Variants in SLC27A6 observed in about 807,000 individuals in gnomAD.
SLC27A6 encodes the protein long-chain fatty acid transport protein 6.
A neutral mutation model predicts 63.9 loss-of-function variants in SLC27A6; 74 were observed. The ratio of observed to expected loss-of-function variants is 1.16; its 90% CI spans 0.96 to 1.40. The LOEUF is 1.40. Ranked by LOEUF, SLC27A6 falls within the 40% of genes most tolerant of loss-of-function variation. SLC27A6 has a pLI of 0.00. For synonymous variants in SLC27A6, 287 were observed against 260.8 expected, an observed-to-expected ratio of 1.10 and a Z score of -0.97; for missense variants, 794 against 732.9, an observed-to-expected ratio of 1.08 and a Z score of -0.96.
chr5:129,006,446 A>AGTGTGTGTGTGTGT lies in SLC27A6; in HGVS notation c.970-9414_970-9401dup, dbSNP rs72056782. On this transcript the variant is annotated intron_variant, in intron 4 of 9. Coordinates refer to ENST00000262462, the MANE Select transcript of SLC27A6 (RefSeq NM_001017372.3). The stretch of plus-strand genomic sequence containing the variant: ...CCTTTCATATATGTATATATGCATG[A>AGTGTGTGTGTGTGT]GTGTGTGTGTGTGTGTGTGTGTGTG... Among the ~76,000 whole-genome samples the AGTGTGTGTGTGTGT allele has an allele frequency of 2.1e-3, 298 of 144,126 alleles. 1 individual carries two copies. Among genetic ancestry groups the AGTGTGTGTGTGTGT allele is most frequent in the Non-Finnish European group, 3.3e-3 (216 of 66,210 alleles). The allele number at this position is 144,126 out of a possible 152,430, so 94.6% of individuals were successfully genotyped here.
intron 5 of SLC27A6, among the ~76,000 whole-genome samples, chr5:129,018,227 C>T (rs1295996138): frequency 6.6e-6 from 1 of 152,124 alleles, no homozygotes; most frequent in African/African-American, 2.4e-5. Flanking sequence ...TTGTCACTTT[C>T]ATCCCTAACT....
intron 4 of SLC27A6, among the ~76,000 whole-genome samples, chr5:128,997,964 C>T (rs968405330): frequency 2.6e-5 from 4 of 151,766 alleles, no homozygotes; most frequent in Non-Finnish European, 4.4e-5. Context: ...ACAAGGAAGC[C>T]GAATACAAAT....
intron 4 of SLC27A6, among the ~76,000 whole-genome samples, chr5:129,005,097 C>T (rs767855346): frequency 1.3e-5 from 2 of 152,114 alleles, no homozygotes; most frequent in Non-Finnish European, 2.9e-5. Flanking sequence ...CACTGGCTTC[C>T]AGTTTTCTTC....
At chr5:128,989,305 G>T (rs1467869983) in intron 3 of SLC27A6, among the ~76,000 whole-genome samples, 1 of 151,286 alleles carries the variant, frequency 6.6e-6, no homozygotes. Context: ...GTCTGCCATA[G>T]ACACTCAATA....
intron 4 of SLC27A6, among the ~76,000 whole-genome samples, chr5:128,991,891 T>C (rs17617329): frequency 0.26 from 38,760 of 151,824 alleles, 5,445 homozygotes; most frequent in Non-Finnish European, 0.31. Context: ...CCCTCAGAAG[T>C]TATTTTCTTT....
At chr5:128,982,811 C>A (rs1229758439) in intron 1 of SLC27A6, among the ~76,000 whole-genome samples, 1 of 152,096 alleles carries the variant, frequency 6.6e-6, no homozygotes, top group African/African-American at 2.4e-5. Context: ...TAGGCATTTT[C>A]CCTGGATTCT....
intron 1 of SLC27A6, among the ~76,000 whole-genome samples, chr5:128,967,741 G>C (rs899893948): frequency 6.7e-6 from 1 of 150,356 alleles, no homozygotes; most frequent in African/African-American, 2.4e-5. Context: ...AGTGGCAAAT[G>C]TATACTTTTT....
chr5:128,991,456 C>T (rs257908), intron 4 of SLC27A6, among the ~76,000 whole-genome samples: 42,280 of 152,084 alleles, frequency 0.28, 5,912 homozygotes, highest in South Asian at 0.35. Flanking sequence ...TACTAATGTG[C>T]TTTGTACTGT....
intron 4 of SLC27A6, among the ~76,000 whole-genome samples, chr5:128,995,041 A>G (rs1751110053): frequency 6.6e-6 from 1 of 152,242 alleles, no homozygotes; most frequent in Non-Finnish European, 1.5e-5. Flanking sequence ...CCCTGAGACT[A>G]GGAAAGCAGC....
chr5:129,023,743 CAA>C (rs923800914), intron 6 of SLC27A6, 33 bp downstream of exon 6: 5 of 1,488,516 alleles, frequency 3.4e-6, no homozygotes, highest in African/African-American at 2.8e-5. Context: ...TCTCCTCAAG[CAA>C]AGTTTCTGAT....
At chr5:129,016,227 C>T (rs1580740491) in intron 5 of SLC27A6, 148 bp downstream of exon 5, 6 of 539,022 alleles carry the variant, frequency 1.1e-5, no homozygotes, top group Non-Finnish European at 1.9e-5. Flanking sequence ...CCTGTCTCTA[C>T]TAAAAATACA....
At chr5:129,005,635 CAG>C (rs1751496046) in intron 4 of SLC27A6, among the ~76,000 whole-genome samples, 1 of 106,050 alleles carries the variant, frequency 9.4e-6, no homozygotes, top group Non-Finnish European at 1.7e-5. Flanking sequence ...TTTTGCGAGA[CAG>C]AGTCTCGCTC....
chr5:128,976,249 C>T (rs1212404880), intron 1 of SLC27A6, among the ~76,000 whole-genome samples: 1 of 152,206 alleles, frequency 6.6e-6, no homozygotes, highest in African/African-American at 2.4e-5. Context: ...TGGCTCATGC[C>T]TGTAATCCCA....
intron 4 of SLC27A6, among the ~76,000 whole-genome samples, chr5:129,003,304 CA>C (rs1385104133): frequency 7.0e-6 from 1 of 143,020 alleles, no homozygotes; most frequent in Non-Finnish European, 1.5e-5. Context: ...GAACTGTTTG[CA>C]AACTGTAAGA....
intron 4 of SLC27A6, among the ~76,000 whole-genome samples, chr5:129,009,943 C>T (rs1751674099): frequency 6.6e-6 from 1 of 152,210 alleles, no homozygotes; most frequent in Non-Finnish European, 1.5e-5. Flanking sequence ...TCCCAAAGTA[C>T]TGGGATTACA....
intron 1 of SLC27A6, among the ~76,000 whole-genome samples, chr5:128,978,522 C>A (rs1023620744): frequency 1.3e-5 from 2 of 152,270 alleles, no homozygotes; most frequent in East Asian, 3.9e-4. Context: ...TAGCTGAAAT[C>A]TTTTCCTTTG....
chr5:129,028,209 T>C, intron 7 of SLC27A6, 136 bp from the exon 8 acceptor site: 1 of 594,038 alleles, frequency 1.7e-6, no homozygotes, highest in Non-Finnish European at 3.0e-6. Flanking sequence ...TAGAAATGCC[T>C]TTCATCTTGA....
chr5:129,017,335 A>T (rs555162968), intron 5 of SLC27A6, among the ~76,000 whole-genome samples: 15 of 152,280 alleles, frequency 9.9e-5, no homozygotes, highest in African/African-American at 3.4e-4. Context: ...ATTTCTAAAT[A>T]TCCATTCATC....
At chr5:129,014,141 AT>A (rs1242708153) in intron 4 of SLC27A6, among the ~76,000 whole-genome samples, 1 of 152,202 alleles carries the variant, frequency 6.6e-6, no homozygotes, top group Non-Finnish European at 1.5e-5. Context: ...ATCTTTTAGT[AT>A]GTAGACTTTC....
Sources: allele counts gnomAD v4.1 joint callset (sites outside exome capture counted in the v4.1 genomes callset), GRCh38; gene constraint gnomAD v4.1.1; transcripts MANE v1.5; gene names NCBI Gene and HGNC (gene_info 2026-07-23, HGNC 2026-07-21).